TNFAIP8: variants seen among roughly 807,000 people sequenced by gnomAD.
The protein encoded by TNFAIP8 is tumor necrosis factor alpha-induced protein 8.
TNFAIP8 carries 7 observed loss-of-function variants against 13.3 expected under a neutral mutation model. The observed-to-expected ratio is 0.52, with a 90% CI of 0.30 to 0.99. TNFAIP8 has a LOEUF of 0.99. Ranked by LOEUF, TNFAIP8 falls within the 50% of genes least tolerant of loss-of-function variation. The probability of loss-of-function intolerance (pLI) is 0.07; values close to 1 mark genes in which losing one functional copy is unlikely to be tolerated. For missense variants in TNFAIP8, 258 were observed against 236.9 expected, an observed-to-expected ratio of 1.09 and a Z score of -0.58; for synonymous variants, 94 against 87.6, an observed-to-expected ratio of 1.07 and a Z score of -0.41.
intron 1 of TNFAIP8, among the ~76,000 whole-genome samples, chr5:119,281,487 G>A (rs572317669): frequency 6.6e-6 from 1 of 152,130 alleles, no homozygotes; most frequent in Admixed American, 6.5e-5. Context: ...TTGGTCACAA[G>A]GGAAATAGAC....
Position 119,386,620 on chromosome 5 carries a change from A to G in TNFAIP8, c.32-6196A>G, listed in dbSNP as rs565651457. The stretch of plus-strand genomic sequence containing the variant: ...ATGTTGCCTTTTAAGGTTAGCATGT[A>G]TTTTTCTGGAGTATAAGAAACAGAG... On this transcript the variant is annotated intron_variant, in intron 1 of 1. Coordinates refer to ENST00000504771, the MANE Select transcript of TNFAIP8 (RefSeq NM_014350.4). 2.6e-5 allele frequency among the ~76,000 whole-genome samples: 4 copies of G among 152,182 alleles called. No homozygotes were observed. In the South Asian group the frequency reaches 8.3e-4, roughly 32 times the overall value.
At chr5:119,380,402 G>T (rs181000042) in intron 1 of TNFAIP8, among the ~76,000 whole-genome samples, 1 of 152,336 alleles carries the variant, frequency 6.6e-6, no homozygotes, top group Admixed American at 6.5e-5. Flanking sequence ...AGCCCTGCAT[G>T]AATATAAATA....
intron 1 of TNFAIP8, among the ~76,000 whole-genome samples, chr5:119,275,661 GCTT>G (rs1389473108): frequency 6.6e-6 from 1 of 152,002 alleles, no homozygotes; most frequent in Admixed American, 6.5e-5. Context: ...ACTTCCTCCT[GCTT>G]CTTTTGCATT....
At chr5:119,273,383 A>G (rs1330816492) in intron 1 of TNFAIP8, among the ~76,000 whole-genome samples, 2 of 152,348 alleles carry the variant, frequency 1.3e-5, no homozygotes, top group South Asian at 2.1e-4. Flanking sequence ...TGATTTTAGC[A>G]TGAATTCTTT....
intron 1 of TNFAIP8, among the ~76,000 whole-genome samples, chr5:119,378,825 G>T (rs1195950887): frequency 6.6e-6 from 1 of 152,206 alleles, no homozygotes; most frequent in African/African-American, 2.4e-5. Flanking sequence ...TGTAATCCCA[G>T]TGCTTTGGGA....
At chr5:119,373,964 GT>G (rs889332677) in intron 1 of TNFAIP8, among the ~76,000 whole-genome samples, 15 of 151,426 alleles carry the variant, frequency 9.9e-5, no homozygotes, top group African/African-American at 2.9e-4. Context: ...TAGTATTGGT[GT>G]TTTTTTTCCT....
At chr5:119,286,568 G>A (rs1410659209) in intron 1 of TNFAIP8, among the ~76,000 whole-genome samples, 3 of 150,258 alleles carry the variant, frequency 2.0e-5, no homozygotes, top group African/African-American at 4.9e-5. Flanking sequence ...CTTGCAGAGA[G>A]CCAAGAATGA....
chr5:119,295,902 G>A (rs1344677260), intron 1 of TNFAIP8, among the ~76,000 whole-genome samples: 4 of 151,378 alleles, frequency 2.6e-5, no homozygotes, highest in African/African-American at 9.7e-5. Flanking sequence ...ATTGTGAATG[G>A]GAGTTCACTC....
chr5:119,368,386 A>C (rs536227513), intron 1 of TNFAIP8, among the ~76,000 whole-genome samples: 19 of 150,364 alleles, frequency 1.3e-4, no homozygotes, highest in East Asian at 3.9e-4. Context: ...AAAAAAAAAA[A>C]CCCACACTTT....
chr5:119,357,530 G>GA (rs751564846), intron 1 of TNFAIP8, among the ~76,000 whole-genome samples: 72 of 152,100 alleles, frequency 4.7e-4, no homozygotes, highest in Non-Finnish European at 5.6e-4. Flanking sequence ...TGTCTTTTGA[G>GA]AAAGAGAGAG....
chr5:119,352,976 T>G (rs1283604411), upstream of TNFAIP8, among the ~76,000 whole-genome samples: 1 of 152,210 alleles, frequency 6.6e-6, no homozygotes, highest in Non-Finnish European at 1.5e-5. Context: ...TAGCTACCAT[T>G]TTCATTCTTC....
At chr5:119,285,365 A>C (rs956869060) in intron 1 of TNFAIP8, among the ~76,000 whole-genome samples, 1 of 152,170 alleles carries the variant, frequency 6.6e-6, no homozygotes, top group Non-Finnish European at 1.5e-5. Context: ...GTCCAAAGCT[A>C]CTGGTAGAGC....
chr5:119,337,214 A>G (rs532642302), intron 1 of TNFAIP8, among the ~76,000 whole-genome samples: 1 of 152,154 alleles, frequency 6.6e-6, no homozygotes, highest in Non-Finnish European at 1.5e-5. Context: ...CCCATTCTAG[A>G]CTATATGAGA....
chr5:119,383,400 C>A (rs994970446), intron 1 of TNFAIP8, among the ~76,000 whole-genome samples: 11 of 152,156 alleles, frequency 7.2e-5, no homozygotes, highest in African/African-American at 2.7e-4. Context: ...TACTTGCCCC[C>A]CAACCATTAA....
Position 119,393,164 on chromosome 5 carries a change from T to C in TNFAIP8, c.380T>C (p.Val127Ala), listed in dbSNP as rs1460499174. Residue 127 changes from valine to alanine, a missense_variant, in exon 2 of 2, where the codon GTG becomes GCG. Physicochemically the swap from Val to Ala is moderately conservative, Grantham distance 64. Coordinates refer to ENST00000504771, the MANE Select transcript of TNFAIP8 (RefSeq NM_014350.4). Reference protein sequence around the residue: ...HQVDYTFDRNVLSRLLNECRE... With the variant: ...HQVDYTFDRNALSRLLNECRE... ...GTGGATTATACCTTTGACCGGAATG[T>C]GTTATCCAGGCTGTTAAATGAATGC... The C allele has an allele frequency of 6.2e-7, 1 of 1,613,936 alleles. No individual in the cohort carries two copies. Among genetic ancestry groups the C allele is most frequent in the Non-Finnish European group, 8.5e-7 (1 of 1,179,902 alleles).
chr5:119,364,928 T>G (rs1189486344), intron 1 of TNFAIP8, among the ~76,000 whole-genome samples: 1 of 141,694 alleles, frequency 7.1e-6, no homozygotes, highest in East Asian at 2.2e-4. Context: ...CTTGGCTCAC[T>G]GCAATGTCTG....
intron 1 of TNFAIP8, among the ~76,000 whole-genome samples, chr5:119,338,009 T>A (rs1278504374): frequency 6.6e-6 from 1 of 152,148 alleles, no homozygotes; most frequent in Non-Finnish European, 1.5e-5. Flanking sequence ...TTCCGCTGAT[T>A]TGCCCCTCTC....
intron 1 of TNFAIP8, among the ~76,000 whole-genome samples, chr5:119,292,649 T>C (rs1384485151): frequency 1.0e-3 from 22 of 21,108 alleles, no homozygotes; most frequent in African/African-American, 4.2e-3. Flanking sequence ...ATGTAGCATA[T>C]ATATATATAT....
intron 1 of TNFAIP8, among the ~76,000 whole-genome samples, chr5:119,274,123 A>G (rs1748370968): frequency 6.6e-6 from 1 of 152,128 alleles, no homozygotes; most frequent in Non-Finnish European, 1.5e-5. Flanking sequence ...AGACCTAACT[A>G]CACTCGTCTT....
Sources: gnomAD v4.1 joint callset for allele counts (sites outside exome capture counted in the v4.1 genomes callset) on GRCh38, gnomAD v4.1.1 for gene constraint, MANE v1.5 for transcripts, NCBI Gene and HGNC (gene_info 2026-07-23, HGNC 2026-07-21) for gene names.